Variants in AHNAK2 observed in about 807,000 individuals in gnomAD.
AHNAK2 encodes AHNAK nucleoprotein 2, also known as protein AHNAK2.
AHNAK2 carries 18 observed loss-of-function variants against 30.7 expected under a neutral mutation model. That is an observed-to-expected ratio of 0.59 (90% CI 0.41 to 0.87). AHNAK2 has a LOEUF of 0.87. AHNAK2 is among the 40% of genes least tolerant of loss of function. The pLI, the probability that AHNAK2 is intolerant of heterozygous loss-of-function variation, is 0.00. For synonymous variants in AHNAK2, 3,590 were observed against 3,073.8 expected (o/e 1.17, Z -5.56); for missense variants, 8,604 against 7,373.0 (o/e 1.17, Z -6.11).
chr14:104,952,624 G>C lies in AHNAK2; in HGVS notation c.2827C>G (p.Leu943Val), dbSNP rs752536354. The C allele has an allele frequency of 1.9e-6, 3 of 1,612,756 alleles. 1 individual carries two copies. The highest frequency in any genetic ancestry group is 2.2e-5 in the South Asian group (2 of 91,036). Residue 943 changes from leucine (L) to valine (V), a missense_variant, in exon 7 of 7, where the codon CTG (leucine) becomes GTG (valine). Coordinates refer to ENST00000333244, the MANE Select transcript of AHNAK2 (RefSeq NM_138420.4). ...GPQIDVKGPK[L>V]DLKGPKAEVT... ...TCCGCCTTGGGGCCTTTCAGGTCCA[G>C]CTTGGGGCCCTTAACATCTATCTGG...
intron 1 of AHNAK2, among the ~76,000 whole-genome samples, chr14:104,967,250 G>T (rs1899332043): frequency 6.6e-6 from 1 of 151,884 alleles, no homozygotes; most frequent in Non-Finnish European, 1.5e-5. Flanking sequence ...GAGCCTGGAT[G>T]GGTTGGGGGT....
chr14:104,961,438 C>CA (rs1899141568), intron 1 of AHNAK2, among the ~76,000 whole-genome samples: 1 of 151,658 alleles, frequency 6.6e-6, no homozygotes, highest in Admixed American at 6.6e-5. Flanking sequence ...GGCGTGAACC[C>CA]CGGGGGGCGG....
chr14:104,960,501 G>A (rs1273526262), intron 1 of AHNAK2, among the ~76,000 whole-genome samples: 1 of 152,192 alleles, frequency 6.6e-6, no homozygotes, highest in Non-Finnish European at 1.5e-5. Flanking sequence ...TTATAGAAGG[G>A]ACTTGAGCAT....
chr14:104,942,139 C>T lies in AHNAK2; in HGVS notation c.13312G>A (p.Ala4438Thr), dbSNP rs1898019833. ...TCCAGCCGCGTACTGTCCAGCTTGG[C>T]TCCTGGGGCTTGGATGTCCACCTCC... ...SMEVDIQAPG[A>T]KLDSTRLEGD... is the part of the protein sequence containing the mutation. The change falls in exon 7 of 7, where the codon GCC becomes ACC. Residue 4438 changes from alanine (A) to threonine (T), a missense_variant. Ala to Thr is a moderately conservative substitution (Grantham distance 58, BLOSUM62 0). Coordinates refer to ENST00000333244, the MANE Select transcript of AHNAK2 (RefSeq NM_138420.4). The T allele has an allele frequency of 6.2e-7, 1 of 1,612,528 alleles. No individual in the cohort carries two copies.
rs374910618 is a variant in AHNAK2 at position 104,945,577 on chromosome 14, C to T, written c.9874G>A (p.Gly3292Arg). The change falls in exon 7 of 7, where the codon GGG becomes AGG. Residue 3292 changes from glycine (G) to arginine (R), a missense_variant. Transcript: ENST00000333244. ...TCCTTGTCGGCCAGGGACAGGTCCC[C>T]CTCCAGCCGTGCACCATCCAACTTG... Reference protein sequence around the residue: ...GAKLDGARLEGDLSLADKDVT... With the variant: ...GAKLDGARLERDLSLADKDVT... 4.3e-5 allele frequency: 70 copies of T among 1,609,402 alleles called. No homozygotes were observed. In the African/African-American group the frequency reaches 7.0e-4, roughly 16 times the overall value.
At position 104,950,618 on chromosome 14, in the gene AHNAK2, T is replaced by G. The variant is rs746925445; in HGVS notation, c.4833A>C (p.Glu1611Asp). 1.9e-4 allele frequency: 301 copies of G among 1,585,090 alleles called. 35 individuals carry two copies. The Admixed American group carries it at 5.2e-3, about 27-fold the overall frequency. ...ACATCTTCACATCGGGGGCTGTCACTTCCACCTTGGGGCCTTTCAGGTCCA... is the reference window on the plus strand; with the variant it reads ...ACATCTTCACATCGGGGGCTGTCACGTCCACCTTGGGGCCTTTCAGGTCCA... The part of the protein sequence containing the change: ...PKLDLKGPKV[E>D]VTAPDVKMSL... Residue 1611 changes from glutamate to aspartate, a missense_variant, in exon 7 of 7, where the codon GAA becomes GAC. Glu to Asp is a conservative substitution (Grantham distance 45, BLOSUM62 2). Coordinates refer to ENST00000333244, the MANE Select transcript of AHNAK2 (RefSeq NM_138420.4).
chr14:104,950,053 G>T lies in AHNAK2; in HGVS notation c.5398C>A (p.Leu1800Met). ...EVDVEAPGAK[L>M]DSVRLEGDLS... ...TCACCCTCCAGCCGCACACTGTCCA[G>T]CTTGGCTCCTGGAGCCTCGACGTCC... Residue 1800 changes from leucine to methionine, a missense_variant, in exon 7 of 7, where the codon CTG (leucine) becomes ATG (methionine). Transcript: ENST00000333244. 6 of 1,586,660 alleles carry T rather than the reference G, an allele frequency of 3.8e-6. 1 individual carries two copies. The highest frequency in any genetic ancestry group is 5.2e-6 in the Non-Finnish European group (6 of 1,162,794).
chr14:104,954,661 A>G lies in AHNAK2; in HGVS notation c.790T>C (p.Phe264Leu). The G allele has an allele frequency of 6.2e-7, 1 of 1,612,732 alleles. No homozygotes were observed. Among genetic ancestry groups the G allele is most frequent in the Non-Finnish European group, 8.5e-7 (1 of 1,179,700 alleles). The part of the protein sequence containing the change: ...SQRERLSWPK[F>L]QSIKSKRGPG... ...CCCCGCTTGCTCTTTATGGATTGAA[A>G]TTTTGGCCAAGAGAGCCTCTCCCTC... is the stretch of plus-strand genomic sequence containing the variant. The change falls in exon 7 of 7, where the codon TTT becomes CTT. Residue 264 changes from phenylalanine (F) to leucine (L), a missense_variant. Coordinates refer to ENST00000333244, the MANE Select transcript of AHNAK2 (RefSeq NM_138420.4). This position sits in a 1 kb window ranked among gnomAD's most constrained non-coding sequence, Gnocchi z 4.3.
At chr14:104,967,531 C>A (rs927149624) in intron 1 of AHNAK2, among the ~76,000 whole-genome samples, 1 of 152,234 alleles carries the variant, frequency 6.6e-6, no homozygotes, top group East Asian at 1.9e-4. Context: ...ACGTGACCAG[C>A]CCTGCTCCTG....
rs747005903 is a variant in AHNAK2 at position 104,952,912 on chromosome 14, C to T, written c.2539G>A (p.Ala847Thr). 15 of 1,611,746 alleles carry T rather than the reference C, an allele frequency of 9.3e-6. No homozygotes were observed. Among genetic ancestry groups the T allele is most frequent in the Non-Finnish European group, 1.3e-5 (15 of 1,179,416 alleles). ...KFKMPSFGVS[A>T]PGKSMEDSVD... ...GAGTCCTCCATGGACTTGCCTGGGG[C>T]CGACACCCCGAATGATGGCATCTTG... Residue 847 changes from alanine to threonine, a missense_variant, in exon 7 of 7, where the codon GCC (alanine) becomes ACC (threonine). By Grantham distance (58) the Ala-to-Thr change is moderately conservative. Coordinates refer to ENST00000333244, the MANE Select transcript of AHNAK2 (RefSeq NM_138420.4).
Position 104,966,463 on chromosome 14 carries a change from A to T in AHNAK2, c.56-8791T>A, listed in dbSNP as rs1899304934. On this transcript the variant is annotated intron_variant, in intron 1 of 6. Transcript: ENST00000333244. The surrounding 1 kb of genome is among the most constrained non-coding windows in gnomAD (Gnocchi z 4.3). ...CCTTCTGCACAGCTCTGTCCTGGCC[A>T]CCTGGGCCCATCTCACTCACCTTTG... 6.6e-6 allele frequency among the ~76,000 whole-genome samples: 1 copy of T among 151,950 alleles called. No individual in the cohort carries two copies. The highest frequency in any genetic ancestry group is 2.1e-4 in the South Asian group (1 of 4,810).
At position 104,941,266 on chromosome 14, in the gene AHNAK2, TG is replaced by T; in HGVS notation, c.14184del (p.Ser4728ArgfsTer2). 6.2e-7 allele frequency: 1 copy of T among 1,613,618 alleles called. No homozygotes were observed. Among genetic ancestry groups the T allele is most frequent in the African/African-American group, 1.3e-5 (1 of 75,060 alleles). ...KDSLVPGAKS[S>X]IGLSTIPLSS... ...GATAAAGGAATCGTGGAAAGACCTA[TG>T]CTAGACTTTGCACCTGGGACTAAAC... On this transcript the variant is annotated frameshift_variant, in exon 7 of 7. Transcript: ENST00000333244. LOFTEE classifies it low-confidence loss of function (END_TRUNC).
chr14:104,939,347 A>G lies in AHNAK2; in HGVS notation c.16104T>C (p.Ile5368=). 1.2e-6 allele frequency: 2 copies of G among 1,613,674 alleles called. No individual in the cohort carries two copies. Among genetic ancestry groups the G allele is most frequent in the Non-Finnish European group, 1.7e-6 (2 of 1,179,850 alleles). ...KASSTDMPSQ[I]SVVNVDQLWE... The stretch of plus-strand genomic sequence containing the variant: ...ACAGTTGATCCACATTAACCACAGA[A>G]ATCTGGGATGGCATATCAGTACTTG... The change falls in exon 7 of 7, where the codon ATT becomes ATC. Residue 5368 remains isoleucine (I), a synonymous_variant. Transcript: ENST00000333244.
intron 1 of AHNAK2, among the ~76,000 whole-genome samples, chr14:104,973,937 G>T (rs1899536673): frequency 6.6e-6 from 1 of 152,168 alleles, no homozygotes. Flanking sequence ...TGGCCTCTGT[G>T]GGGTGCGGGG....
chr14:104,973,213 C>G (rs1899518582), intron 1 of AHNAK2, among the ~76,000 whole-genome samples: 2 of 152,214 alleles, frequency 1.3e-5, no homozygotes, highest in South Asian at 2.1e-4. Context: ...CGGCATGTCC[C>G]GTGATGCGCA....
In AHNAK2 at chr14:104,952,533, G is replaced by A; in HGVS notation, c.2918C>T (p.Ala973Val). The A allele has an allele frequency of 6.2e-7, 1 of 1,612,800 alleles. No individual in the cohort carries two copies. The highest frequency in any genetic ancestry group is 8.5e-7 in the Non-Finnish European group (1 of 1,179,638). ...SMEVDVQAQKAKLDGAWLEGD... is the reference protein window; with the variant it reads ...SMEVDVQAQKVKLDGAWLEGD... Reference sequence around the variant, plus strand: ...CTCCAGCCACGCACCATCCAGCTTGGCCTTCTGGGCCTGGACATCCACCTC... The same window carrying A: ...CTCCAGCCACGCACCATCCAGCTTGACCTTCTGGGCCTGGACATCCACCTC... The change falls in exon 7 of 7, where the codon GCC becomes GTC. Residue 973 changes from alanine to valine, a missense_variant. Coordinates refer to ENST00000333244, the MANE Select transcript of AHNAK2 (RefSeq NM_138420.4).
intron 1 of AHNAK2, among the ~76,000 whole-genome samples, chr14:104,972,439 T>C (rs989738993): frequency 3.3e-5 from 5 of 151,820 alleles, no homozygotes; most frequent in African/African-American, 1.2e-4. Flanking sequence ...CCTGCTGGAG[T>C]GGGACAGGAA....
In AHNAK2 at chr14:104,938,471, CTCA is replaced by C; in HGVS notation, c.16977_16979del (p.Asp5659del). The C allele has an allele frequency of 6.2e-7, 1 of 1,613,894 alleles. No individual in the cohort carries two copies. Among genetic ancestry groups the C allele is most frequent in the African/African-American group, 1.3e-5 (1 of 75,038 alleles). On this transcript the variant is annotated inframe_deletion, in exon 7 of 7. Transcript: ENST00000333244. ...CGTCATTTTTGGAATCAACACCTGT[CTCA>C]TCAACAGAAGAGGAAAACCCAATGT...
chr14:104,950,093 C>G lies in AHNAK2; in HGVS notation c.5358G>C (p.Leu1786=), dbSNP rs1595411987. The G allele has an allele frequency of 6.3e-7, 1 of 1,587,306 alleles. No individual in the cohort carries two copies. Among genetic ancestry groups the G allele is most frequent in the South Asian group, 1.1e-5 (1 of 90,020 alleles). ...CCTCGACGTCCACCTCCACGCTGGG[C>G]AGAGACACCTCCACGTCGGGGGCCA... ...EVMAPDVEVS[L]PSVEVDVEAP... Residue 1786 remains leucine (L), a synonymous_variant, in exon 7 of 7, where the codon CTG becomes CTC. Coordinates refer to ENST00000333244, the MANE Select transcript of AHNAK2 (RefSeq NM_138420.4).
Sources: allele counts gnomAD v4.1 joint callset (sites outside exome capture counted in the v4.1 genomes callset), GRCh38; gene constraint gnomAD v4.1.1; non-coding constraint Gnocchi (gnomAD v3.1); transcripts MANE v1.5; gene names NCBI Gene and HGNC (gene_info 2026-07-23, HGNC 2026-07-21).